The following LTA4H variants were observed in gnomAD, a reference collection of about 807,000 sequenced individuals.
The protein encoded by LTA4H is leukotriene A-4 hydrolase.
Under a neutral mutation model 89.8 loss-of-function variants are expected in LTA4H, and 59 were observed. The observed-to-expected ratio is 0.66, with a 90% CI of 0.53 to 0.82. LTA4H has a LOEUF of 0.82. Ranked by LOEUF, LTA4H falls within the 40% of genes least tolerant of loss-of-function variation. The pLI is 0.00. For synonymous variants in LTA4H, 227 were observed against 253.1 expected (o/e 0.90, Z 0.98); for missense variants, 617 against 727.0 (o/e 0.85, Z 1.74).
chr12:96,004,043 GATAAAA>G (rs1354758252), intron 16 of LTA4H, 123 bp from the exon 17 acceptor site: 1 of 460,646 alleles, frequency 2.2e-6, no homozygotes, highest in Non-Finnish European at 3.8e-6. Context: ...AAATAAGTCA[GATAAAA>G]ATAAAAGAAA....
chr12:96,036,989 C>T (rs1215741746), upstream of LTA4H, among the ~76,000 whole-genome samples: 4 of 152,206 alleles, frequency 2.6e-5, no homozygotes, highest in African/African-American at 4.8e-5. Context: ...CCACAAGACA[C>T]TGTGGCGAGG....
At chr12:96,026,188 G>T (rs1592893840) in intron 3 of LTA4H, among the ~76,000 whole-genome samples, 4 of 152,156 alleles carry the variant, frequency 2.6e-5, no homozygotes, top group African/African-American at 9.7e-5. Flanking sequence ...GTTCCTTAAT[G>T]GTTTCTAGTT....
chr12:96,038,617 G>A (rs959589898), upstream of LTA4H, among the ~76,000 whole-genome samples: 18 of 151,758 alleles, frequency 1.2e-4, no homozygotes, highest in East Asian at 3.5e-3. Flanking sequence ...GAGCTCAAGG[G>A]ATCCACCTGC....
Position 96,019,256 on chromosome 12 carries a change from G to A in LTA4H, c.639-16C>T, listed in dbSNP as rs1459676631. On this transcript the variant is annotated splice_polypyrimidine_tract_variant and intron_variant, in intron 6 of 18. Coordinates refer to ENST00000228740, the MANE Select transcript of LTA4H (RefSeq NM_000895.3). Reference sequence around the variant, plus strand: ...GCCAATTTGCCTGCAAGATTAAAAAGCTTAATAAAAAAGAAATTCATGGCA... The same window carrying A: ...GCCAATTTGCCTGCAAGATTAAAAAACTTAATAAAAAAGAAATTCATGGCA... 4 of 1,598,686 alleles carry A rather than the reference G, an allele frequency of 2.5e-6. No individual in the cohort carries two copies. The highest frequency in any genetic ancestry group is 2.2e-5 in the East Asian group (1 of 44,728).
chr12:96,025,781 C>T (rs1167357823), intron 3 of LTA4H, among the ~76,000 whole-genome samples: 10 of 150,442 alleles, frequency 6.6e-5, no homozygotes, highest in African/African-American at 2.2e-4. Flanking sequence ...GACCCAAGTT[C>T]GCACCATTGC....
intron 16 of LTA4H, among the ~76,000 whole-genome samples, chr12:96,004,250 A>G (rs1950159130): frequency 6.6e-6 from 1 of 152,184 alleles, no homozygotes; most frequent in Admixed American, 6.5e-5. Context: ...TCTATAACTT[A>G]TATATCTTAA....
intron 10 of LTA4H, among the ~76,000 whole-genome samples, chr12:96,016,623 G>C (rs991187791): frequency 4.6e-5 from 7 of 150,936 alleles, no homozygotes; most frequent in Non-Finnish European, 5.9e-5. Flanking sequence ...AAAAATAGCT[G>C]GGCATGGTGG....
rs1463319873 is a variant in LTA4H, at chr12:96,029,138, T to G, written c.207A>C (p.Gly69=). The G allele has an allele frequency of 6.3e-7, 1 of 1,586,192 alleles. No homozygotes were observed. Residue 69 remains glycine, a synonymous_variant, in exon 2 of 19, where the codon GGA becomes GGC. Transcript: ENST00000228740. ...DLTIEKVVIN[G]QEVKYALGER... is the part of the protein sequence containing the mutation. ...CTCCAAGAGCATATTTGACTTCTTG[T>G]CCATTGATCACTACTTTTTCTATTG...
intron 14 of LTA4H, chr12:96,012,292 T>A (rs1389995222): frequency 2.0e-5 from 3 of 152,212 alleles, no homozygotes; most frequent in African/African-American, 7.2e-5. Context: ...TGGTAGGCAA[T>A]TTTGGTGATC....
chr12:96,032,515 AAC>A (rs1417389971), intron 1 of LTA4H, among the ~76,000 whole-genome samples: 1 of 152,240 alleles, frequency 6.6e-6, no homozygotes, highest in Non-Finnish European at 1.5e-5. Context: ...AGAGTTATGA[AAC>A]ACAGTCTCTA....
intron 10 of LTA4H, among the ~76,000 whole-genome samples, chr12:96,016,479 C>G (rs1247366099): frequency 2.6e-5 from 4 of 151,546 alleles, no homozygotes; most frequent in African/African-American, 7.3e-5. Context: ...GGCATAGTGG[C>G]ATGCGCCTTT....
At chr12:96,027,326 T>C in intron 3 of LTA4H, 118 bp downstream of exon 3, 2 of 810,690 alleles carry the variant, frequency 2.5e-6, no homozygotes, top group Non-Finnish European at 3.7e-6. Flanking sequence ...ATAAGATCAA[T>C]TAATACATTT....
intron 16 of LTA4H, 173 bp from the exon 17 acceptor site, chr12:96,004,093 T>G: frequency 2.6e-6 from 1 of 387,686 alleles, no homozygotes; most frequent in South Asian, 6.4e-5. Flanking sequence ...TGTGCAAACT[T>G]ATTCCAGATG....
chr12:96,041,364 T>C (rs1188900386), intron 1 of LTA4H, among the ~76,000 whole-genome samples: 2 of 152,138 alleles, frequency 1.3e-5, no homozygotes, highest in South Asian at 2.1e-4. Flanking sequence ...GACTCCACAG[T>C]TGGGTGCTCT....
At chr12:96,016,684 T>C (rs1374904195) in intron 10 of LTA4H, among the ~76,000 whole-genome samples, 1 of 151,860 alleles carries the variant, frequency 6.6e-6, no homozygotes, top group Admixed American at 6.6e-5. Context: ...GTGGATTGCC[T>C]GAGCTCAGGA....
Position 96,035,294 on chromosome 12 carries a change from G to T in LTA4H, c.159+67C>A, listed in dbSNP as rs534163605. The stretch of plus-strand genomic sequence containing the variant: ...GGGTGAGCCGGAGATCCGGGAGCCC[G>T]CAAGGACTAGGGTCGAGGGGCAGGG... On this transcript the variant is annotated intron_variant, in intron 1 of 18. Coordinates refer to ENST00000228740, the MANE Select transcript of LTA4H (RefSeq NM_000895.3). The T allele has an allele frequency of 1.1e-4, 169 of 1,488,170 alleles. 1 individual carries two copies. The Middle Eastern group carries it at 1.2e-3, about 11-fold the overall frequency. 92.2% of individuals were successfully genotyped at this position (1,488,170 alleles called of 1,614,324 possible). A position where few individuals can be genotyped will look rare whatever the true frequency, so the allele number is the denominator to read the frequency against.
At chr12:96,017,154 T>C (rs755453986) in intron 9 of LTA4H, 40 bp from the exon 10 acceptor site, 10 of 1,386,180 alleles carry the variant, frequency 7.2e-6, no homozygotes, top group Non-Finnish European at 1.0e-5. Flanking sequence ...ACTGATTATC[T>C]TAACCTAAAA....
At chr12:96,018,695 A>G (rs2136894887) in intron 8 of LTA4H, 68 bp downstream of exon 8, 1 of 1,159,468 alleles carries the variant, frequency 8.6e-7, no homozygotes, top group Non-Finnish European at 1.2e-6. Context: ...ACATATTATT[A>G]GGACTCCTAA....
At chr12:96,010,471 A>G (rs1252157525) in intron 14 of LTA4H, 1 of 152,290 alleles carries the variant, frequency 6.6e-6, no homozygotes, top group Non-Finnish European at 1.5e-5. Flanking sequence ...AAATGCTTCC[A>G]AGAGGAAGTG....
Sources: gnomAD v4.1 joint callset for allele counts (sites outside exome capture counted in the v4.1 genomes callset) on GRCh38, gnomAD v4.1.1 for gene constraint, MANE v1.5 for transcripts, NCBI Gene and HGNC (gene_info 2026-07-23, HGNC 2026-07-21) for gene names.